STAG1: variants seen among roughly 807,000 people sequenced by gnomAD.
STAG1 encodes the protein STAG1 cohesin complex component.
In STAG1, 26 loss-of-function variants were observed where a neutral mutation model predicts 170.9. The ratio of observed to expected loss-of-function variants is 0.15; its 90% CI spans 0.11 to 0.21. The LOEUF (loss-of-function observed/expected upper bound fraction) is 0.21. Ranked by LOEUF, STAG1 falls within the 10% of genes least tolerant of loss-of-function variation. STAG1 has a pLI of 1.00. For synonymous variants in STAG1, 514 were observed against 497.7 expected (o/e 1.03, Z -0.44); for missense variants, 964 against 1,509.5 (o/e 0.64, Z 5.99).
intron 21 of STAG1, among the ~76,000 whole-genome samples, chr3:136,413,306 T>C (rs1462195378): frequency 2.7e-5 from 4 of 149,010 alleles, no homozygotes; most frequent in African/African-American, 4.9e-5. Flanking sequence ...ATATATATTA[T>C]ATATACATAG....
At chr3:136,422,153 CAAA>C (rs11312063) in intron 19 of STAG1, among the ~76,000 whole-genome samples, 100 of 96,496 alleles carry the variant, frequency 1.0e-3, no homozygotes, top group African/African-American at 2.9e-3. Flanking sequence ...GACTCTGCCT[CAAA>C]AAAAAAAAAA....
chr3:136,616,762 G>A (rs1331917640), intron 3 of STAG1, among the ~76,000 whole-genome samples: 1 of 152,100 alleles, frequency 6.6e-6, no homozygotes, highest in Non-Finnish European at 1.5e-5. Flanking sequence ...AGCCGGTGTG[G>A]TGATGCATGA....
chr3:136,522,257 T>C (rs568882080), intron 6 of STAG1, among the ~76,000 whole-genome samples: 8 of 152,142 alleles, frequency 5.3e-5, no homozygotes, highest in Admixed American at 3.3e-4. Flanking sequence ...ACTGGAGTCA[T>C]AGGAAAGAGA....
chr3:136,581,625 C>A (rs896512043), intron 4 of STAG1, among the ~76,000 whole-genome samples: 1 of 152,006 alleles, frequency 6.6e-6, no homozygotes, highest in Non-Finnish European at 1.5e-5. Context: ...TTATACAAAA[C>A]CTTAAAAATA....
At chr3:136,499,512 C>T (rs568772740) in intron 9 of STAG1, among the ~76,000 whole-genome samples, 12 of 152,264 alleles carry the variant, frequency 7.9e-5, no homozygotes, top group Non-Finnish European at 1.3e-4. Flanking sequence ...GAAAACAGTG[C>T]TTCTATTTAT....
At chr3:136,521,626 T>C (rs925526144) in intron 6 of STAG1, among the ~76,000 whole-genome samples, 1 of 152,166 alleles carries the variant, frequency 6.6e-6, no homozygotes, top group Non-Finnish European at 1.5e-5. Context: ...AAAATTACTA[T>C]TTTAGAACCA....
At chr3:136,448,005 T>A (rs1264008648) in intron 14 of STAG1, among the ~76,000 whole-genome samples, 1 of 152,168 alleles carries the variant, frequency 6.6e-6, no homozygotes, top group Non-Finnish European at 1.5e-5. Flanking sequence ...TATCCAACTA[T>A]CTGGCATGCA....
intron 23 of STAG1, among the ~76,000 whole-genome samples, chr3:136,373,659 T>C (rs909262862): frequency 1.3e-5 from 2 of 152,216 alleles, no homozygotes; most frequent in African/African-American, 4.8e-5. Context: ...TTGAGCGGTT[T>C]TGAGTGAGTT....
At chr3:136,609,333 A>G (rs540756432) in intron 3 of STAG1, 2 of 150,118 alleles carry the variant, frequency 1.3e-5, no homozygotes, top group South Asian at 4.2e-4. Flanking sequence ...TAGCTTTCAT[A>G]TATGTGTATA....
At chr3:136,654,314 T>TA (rs943865553) in intron 1 of STAG1, among the ~76,000 whole-genome samples, 10 of 151,916 alleles carry the variant, frequency 6.6e-5, no homozygotes, top group East Asian at 3.9e-4. Flanking sequence ...TCAACACACA[T>TA]AAAAAAAATC....
chr3:136,531,244 A>C (rs1479669582), intron 6 of STAG1, among the ~76,000 whole-genome samples: 1 of 150,220 alleles, frequency 6.7e-6, no homozygotes. Context: ...GGCAATCATT[A>C]AAAAGTCAGG....
At position 136,525,152 on chromosome 3, in the gene STAG1, A is replaced by G. The variant is rs1017937942; in HGVS notation, c.472-3735T>C. 2.0e-5 allele frequency among the ~76,000 whole-genome samples: 3 copies of G among 152,298 alleles called. No individual in the cohort carries two copies. The East Asian group carries it at 5.8e-4, about 29-fold the overall frequency. ...ATTCCCTCTTTTTCGGTTGATTGGA[A>G]TAGTTTCAGAAGGAATGGTACCAGC... On this transcript the variant is annotated intron_variant, in intron 6 of 33. Transcript: ENST00000383202.
intron 4 of STAG1, among the ~76,000 whole-genome samples, chr3:136,592,303 A>G (rs1938224456): frequency 6.6e-6 from 1 of 152,096 alleles, no homozygotes; most frequent in African/African-American, 2.4e-5. Context: ...TATCCCCTAT[A>G]ATGTTCTCAT....
intron 4 of STAG1, among the ~76,000 whole-genome samples, chr3:136,570,616 A>G (rs1324703653): frequency 6.6e-6 from 1 of 152,254 alleles, no homozygotes; most frequent in African/African-American, 2.4e-5. Flanking sequence ...ACAATTTCTC[A>G]TAACAAGTTG....
At chr3:136,410,111 GT>G in intron 21 of STAG1, among the ~76,000 whole-genome samples, 1 of 150,088 alleles carries the variant, frequency 6.7e-6, no homozygotes, top group African/African-American at 2.4e-5. Context: ...AAAAATAAGA[GT>G]TTGCTGGCCG....
At chr3:136,444,682 T>C (rs753730490) in intron 14 of STAG1, among the ~76,000 whole-genome samples, 39 of 152,344 alleles carry the variant, frequency 2.6e-4, no homozygotes, top group Non-Finnish European at 4.4e-4. Flanking sequence ...TGTAATCTGT[T>C]ATATGTGCTT....
intron 1 of STAG1, among the ~76,000 whole-genome samples, chr3:136,729,729 C>G (rs1317637549): frequency 6.6e-6 from 1 of 151,260 alleles, no homozygotes; most frequent in Non-Finnish European, 1.5e-5. Flanking sequence ...TGTGCCTCCA[C>G]GCCCAGCTAA....
chr3:136,653,418 C>A (rs1178279294), intron 1 of STAG1, among the ~76,000 whole-genome samples: 1 of 151,990 alleles, frequency 6.6e-6, no homozygotes, highest in African/African-American at 2.4e-5. Context: ...GATGGGGCAA[C>A]TTAACTTAAT....
chr3:136,707,664 T>A (rs1172824098), intron 1 of STAG1, among the ~76,000 whole-genome samples: 2 of 152,204 alleles, frequency 1.3e-5, no homozygotes, highest in Non-Finnish European at 2.9e-5. Flanking sequence ...CTTTACAACA[T>A]GGCAGAAAAG....
Sources: allele counts gnomAD v4.1 joint callset (sites outside exome capture counted in the v4.1 genomes callset), GRCh38; gene constraint gnomAD v4.1.1; transcripts MANE v1.5; gene names NCBI Gene and HGNC (gene_info 2026-07-23, HGNC 2026-07-21).